The following PDE4D variants were observed in gnomAD, a reference collection of about 807,000 sequenced individuals.
PDE4D encodes phosphodiesterase 4D.
Under a neutral mutation model 87.4 loss-of-function variants are expected in PDE4D, and 24 were observed. That is an observed-to-expected ratio of 0.27 (90% CI 0.20 to 0.39). The LOEUF (loss-of-function observed/expected upper bound fraction) is 0.39, where lower values mean the gene tolerates loss of function less well. Among genes scored for constraint, PDE4D ranks in the 10% least tolerant of loss-of-function variants. PDE4D has a pLI of 1.00. For missense variants in PDE4D, 714 were observed against 1,041.0 expected (o/e 0.69, Z 4.32); for synonymous variants, 384 against 383.2 (o/e 1.00, Z -0.02).
intron 1 of PDE4D, among the ~76,000 whole-genome samples, chr5:59,495,039 C>T (rs1399946506): frequency 6.6e-6 from 1 of 152,200 alleles, no homozygotes; most frequent in Non-Finnish European, 1.5e-5. Context: ...CCTTATCCAG[C>T]CCAGTTTGGC....
At chr5:59,202,449 A>G (rs1024323005) in intron 2 of PDE4D, among the ~76,000 whole-genome samples, 3 of 152,154 alleles carry the variant, frequency 2.0e-5, no homozygotes, top group Non-Finnish European at 4.4e-5. Context: ...TGCAGCCTCA[A>G]GCTCCTGGAC....
chr5:59,377,219 C>A (rs184945190), intron 1 of PDE4D, among the ~76,000 whole-genome samples: 47 of 151,954 alleles, frequency 3.1e-4, no homozygotes, highest in South Asian at 1.9e-3. Flanking sequence ...AGATCGAGAC[C>A]ATCATGGCTA....
At chr5:59,610,791 C>A (rs1266073154) in intron 1 of PDE4D, among the ~76,000 whole-genome samples, 2 of 152,064 alleles carry the variant, frequency 1.3e-5, no homozygotes, top group African/African-American at 2.4e-5. Flanking sequence ...GTGGTGAAGA[C>A]ATGAAGTCTG....
intron 1 of PDE4D, among the ~76,000 whole-genome samples, chr5:60,305,823 A>G (rs1754450463): frequency 6.6e-6 from 1 of 152,048 alleles, no homozygotes; most frequent in Non-Finnish European, 1.5e-5. Flanking sequence ...ATGTGTGTAT[A>G]CACACACATA....
At chr5:60,520,219 A>G (rs1750975276) in intron 1 of PDE4D, among the ~76,000 whole-genome samples, 1 of 152,110 alleles carries the variant, frequency 6.6e-6, no homozygotes, top group Non-Finnish European at 1.5e-5. Context: ...CTGCCAGACT[A>G]TGTTCCTTCT....
intron 2 of PDE4D, among the ~76,000 whole-genome samples, chr5:60,167,291 A>T (rs1582939928): frequency 1.9e-5 from 2 of 106,412 alleles, no homozygotes; most frequent in East Asian, 2.5e-4. Flanking sequence ...TTTTTTTGAG[A>T]CGGAGTCTCG....
At chr5:59,373,689 G>A (rs889539995) in intron 1 of PDE4D, among the ~76,000 whole-genome samples, 2 of 152,088 alleles carry the variant, frequency 1.3e-5, no homozygotes, top group African/African-American at 4.8e-5. Flanking sequence ...GAAACTCCTG[G>A]TAAGGTACTT....
At chr5:60,270,777 C>T (rs1750730240) in intron 1 of PDE4D, among the ~76,000 whole-genome samples, 1 of 152,152 alleles carries the variant, frequency 6.6e-6, no homozygotes, top group African/African-American at 2.4e-5. Flanking sequence ...CTGAATTCAG[C>T]TCTGAAACAG....
chr5:59,219,874 G>C (rs568441796), intron 1 of PDE4D, among the ~76,000 whole-genome samples: 15 of 152,226 alleles, frequency 9.9e-5, no homozygotes, highest in African/African-American at 3.6e-4. Context: ...GCTGGGGTTG[G>C]GGGTGGAGGC....
chr5:59,605,403 AAATC>A (rs1241475055), intron 1 of PDE4D, among the ~76,000 whole-genome samples: 3 of 152,134 alleles, frequency 2.0e-5, no homozygotes, highest in Admixed American at 1.3e-4. Context: ...TATTTAAAGA[AAATC>A]AAAACATCCC....
intron 2 of PDE4D, among the ~76,000 whole-genome samples, chr5:60,155,415 T>C (rs1781880795): frequency 6.6e-6 from 1 of 152,228 alleles, no homozygotes; most frequent in Admixed American, 6.5e-5. Flanking sequence ...TTAAGTCTTT[T>C]GCTCATTTTC....
At chr5:59,382,614 T>C (rs752444733) in intron 1 of PDE4D, among the ~76,000 whole-genome samples, 26 of 152,152 alleles carry the variant, frequency 1.7e-4, no homozygotes, top group South Asian at 2.1e-4. Context: ...TCATAGTCCA[T>C]AGGGTCATTT....
intron 2 of PDE4D, among the ~76,000 whole-genome samples, chr5:60,044,838 T>C (rs1281591118): frequency 6.6e-6 from 1 of 152,204 alleles, no homozygotes; most frequent in East Asian, 1.9e-4. Context: ...TGTGCATGTG[T>C]CTTTATAGCA....
chr5:59,395,926 C>T (rs200250778), intron 1 of PDE4D, among the ~76,000 whole-genome samples: 1 of 107,154 alleles, frequency 9.3e-6, no homozygotes. Flanking sequence ...CAAGAACTAC[C>T]TGAAGAATGC....
chr5:59,045,556 CAAAAA>C (rs36051277), intron 5 of PDE4D, among the ~76,000 whole-genome samples: 1 of 70,972 alleles, frequency 1.4e-5, no homozygotes, highest in African/African-American at 5.5e-5. Context: ...AACTCTGTCT[CAAAAA>C]AAAAAAAAAA....
rs147835787 is a variant in PDE4D at position 59,522,433 on chromosome 5, C to T, written c.456-306465G>A. Among the ~76,000 whole-genome samples, 428 of 152,298 alleles carry T rather than the reference C, an allele frequency of 2.8e-3. 10 individuals carry two copies. The highest frequency in any genetic ancestry group is 9.8e-3 in the African/African-American group (409 of 41,558). ...AACAGTGTCACTGTCCACTATTTTA[C>T]ACAAACGGCAATTGAGTAGCAAGGG... On this transcript the variant is annotated intron_variant, in intron 1 of 14. Coordinates refer to ENST00000340635, the MANE Select transcript of PDE4D (RefSeq NM_001104631.2).
intron 5 of PDE4D, among the ~76,000 whole-genome samples, chr5:59,053,706 A>T (rs1761946607): frequency 7.6e-6 from 1 of 130,848 alleles, no homozygotes; most frequent in African/African-American, 3.0e-5. Flanking sequence ...CTGTAATCCC[A>T]GCACTTTGGG....
intron 1 of PDE4D, among the ~76,000 whole-genome samples, chr5:59,305,864 T>C (rs1771228773): frequency 6.6e-6 from 1 of 152,132 alleles, no homozygotes; most frequent in African/African-American, 2.4e-5. Context: ...TTGAATAGAA[T>C]GTATATTTTG....
At chr5:59,793,321 A>C (rs936628714) in intron 1 of PDE4D, among the ~76,000 whole-genome samples, 2 of 152,252 alleles carry the variant, frequency 1.3e-5, no homozygotes, top group Non-Finnish European at 2.9e-5. Context: ...AACGGTGGCC[A>C]AGCACCTAGA....
Sources: gnomAD v4.1 joint callset for allele counts (sites outside exome capture counted in the v4.1 genomes callset) on GRCh38, gnomAD v4.1.1 for gene constraint, MANE v1.5 for transcripts, NCBI Gene and HGNC (gene_info 2026-07-23, HGNC 2026-07-21) for gene names.